The following EPC1 variants were observed in gnomAD, a reference collection of about 807,000 sequenced individuals.
EPC1 encodes enhancer of polycomb 1.
In EPC1, 12 loss-of-function variants were observed where a neutral mutation model predicts 98.4. The observed-to-expected ratio is 0.12, with a 90% CI of 0.08 to 0.20. EPC1 has a LOEUF of 0.20. EPC1 is among the 10% of genes least tolerant of loss of function. The probability of loss-of-function intolerance (pLI) is 1.00; values close to 1 mark genes in which losing one functional copy is unlikely to be tolerated. For synonymous variants in EPC1, 357 were observed against 363.9 expected (o/e 0.98, Z 0.21); for missense variants, 729 against 990.5 (o/e 0.74, Z 3.54).
In EPC1 at chr10:32,272,184, A is replaced by G; in HGVS notation, c.1864-17T>C. ...AACAAAACCCTAAAAAGAAAATACA[A>G]AAGAAATCTAATCAGTATCACTTAG... On this transcript the variant is annotated splice_polypyrimidine_tract_variant and intron_variant, in intron 11 of 13. Coordinates refer to ENST00000319778, the MANE Select transcript of EPC1 (RefSeq NM_001272004.3). 1 of 1,594,212 alleles carries G rather than the reference A, an allele frequency of 6.3e-7. No homozygotes were observed. Among genetic ancestry groups the G allele is most frequent in the Non-Finnish European group, 8.5e-7 (1 of 1,171,804 alleles).
intron 5 of EPC1, chr10:32,291,882 A>G (rs1266340543): frequency 6.6e-6 from 1 of 152,190 alleles, no homozygotes; most frequent in African/African-American, 2.4e-5. Flanking sequence ...TTGGGAAAAA[A>G]TCAAAAGCTG....
Position 32,271,609 on chromosome 10 carries a change from C to T in EPC1, c.2314G>A (p.Ala772Thr). ...PSSALKLAAA[A>T]NCQVSKVPSS... is the part of the protein sequence containing the mutation. ...GGGACCTTGGAAACTTGACAGTTTG[C>T]TGCAGCGGCCAGCTTTAAGGCAGAT... Residue 772 changes from alanine (A) to threonine (T), a missense_variant, in exon 13 of 14, where the codon GCA (alanine) becomes ACA (threonine). This residue lies in a region of EPC1 where 156 missense variants were observed against 188.9 expected (regional missense o/e 0.83). Coordinates refer to ENST00000319778, the MANE Select transcript of EPC1 (RefSeq NM_001272004.3). 1 of 1,614,164 alleles carries T rather than the reference C, an allele frequency of 6.2e-7. No homozygotes were observed. Among genetic ancestry groups the T allele is most frequent in the East Asian group, 2.2e-5 (1 of 44,872 alleles).
rs192301891 is a variant in EPC1 at position 32,320,416 on chromosome 10, A to G, written c.154-14485T>C. 4.9e-4 allele frequency among the ~76,000 whole-genome samples: 74 copies of G among 152,312 alleles called. No individual in the cohort carries two copies. The East Asian group carries it at 0.012, about 25-fold the overall frequency. ...TCTGAAAAGCAGTTCCAGCAATATC[A>G]TTAAGTGTTATGTGAGGAGTTCTGT... On this transcript the variant is annotated intron_variant, in intron 1 of 13. Coordinates refer to ENST00000319778, the MANE Select transcript of EPC1 (RefSeq NM_001272004.3).
At chr10:32,276,625 A>T (rs1836115768) in intron 10 of EPC1, among the ~76,000 whole-genome samples, 1 of 152,246 alleles carries the variant, frequency 6.6e-6, no homozygotes, top group Admixed American at 6.5e-5. Context: ...AATAAAGTTC[A>T]ATTCCTAAAG....
rs1043750451 is a variant in EPC1 at position 32,308,523 on chromosome 10, T to A, written c.154-2592A>T. Among the ~76,000 whole-genome samples, 59 of 152,234 alleles carry A rather than the reference T, an allele frequency of 3.9e-4. 1 individual carries two copies. Among genetic ancestry groups the A allele is most frequent in the Non-Finnish European group, 7.5e-4 (51 of 68,042 alleles). Reference sequence around the variant, plus strand: ...CAGGTCTTTACCCCTTTTAATAGTTTATTTTTACATCTGTAATTTATTTTT... The same window carrying A: ...CAGGTCTTTACCCCTTTTAATAGTTAATTTTTACATCTGTAATTTATTTTT... On this transcript the variant is annotated intron_variant, in intron 1 of 13. Transcript: ENST00000319778.
intron 1 of EPC1, among the ~76,000 whole-genome samples, chr10:32,344,735 C>A (rs1173567835): frequency 6.6e-6 from 1 of 152,064 alleles, no homozygotes; most frequent in Non-Finnish European, 1.5e-5. Context: ...TGTAGTGAGC[C>A]GAGATGCTGC....
intron 1 of EPC1, among the ~76,000 whole-genome samples, chr10:32,318,539 T>TA (rs1309953632): frequency 6.6e-6 from 1 of 152,186 alleles, no homozygotes; most frequent in Non-Finnish European, 1.5e-5. Context: ...TAGACATGTA[T>TA]ATAAAGACCT....
chr10:32,343,991 CT>C (rs533144832), intron 1 of EPC1, among the ~76,000 whole-genome samples: 163 of 152,194 alleles, frequency 1.1e-3, no homozygotes, highest in Non-Finnish European at 1.9e-3. Flanking sequence ...GGACTACATA[CT>C]TTTTTTTCTA....
intron 10 of EPC1, among the ~76,000 whole-genome samples, chr10:32,280,556 T>C (rs1176098840): frequency 6.6e-6 from 1 of 152,084 alleles, no homozygotes; most frequent in Non-Finnish European, 1.5e-5. Context: ...CTGGCCAAGA[T>C]GGTGAAACCC....
chr10:32,345,254 A>G, intron 1 of EPC1: 1 of 985,464 alleles, frequency 1.0e-6, no homozygotes, highest in Non-Finnish European at 1.2e-6. Flanking sequence ...TCAGTGCCCA[A>G]CTAGACAATC....
exon 1 of EPC1, chr10:32,378,699 G>C (rs1432162756): frequency 2.0e-6 from 1 of 489,074 alleles, no homozygotes. Context: ...GCTTTTGGGG[G>C]AAATCGGAGA....
intron 2 of EPC1, among the ~76,000 whole-genome samples, chr10:32,297,661 C>A (rs1220295123): frequency 6.6e-6 from 1 of 151,880 alleles, no homozygotes; most frequent in Non-Finnish European, 1.5e-5. Context: ...AGGAATAAAC[C>A]CAGAGATGCA....
At chr10:32,351,224 C>G (rs1260644737), upstream of EPC1, among the ~76,000 whole-genome samples, 1 of 152,158 alleles carries the variant, frequency 6.6e-6, no homozygotes, top group African/African-American at 2.4e-5. Flanking sequence ...TTGTTTTGCC[C>G]ATTAGATAAA....
In EPC1 at chr10:32,336,070, T is replaced by TTC. The variant is rs201736210; in HGVS notation, c.153+10692_153+10693insGA. Among the ~76,000 whole-genome samples the TTC allele has an allele frequency of 8.3e-3, 484 of 58,310 alleles. 1 individual carries two copies. The highest frequency in any genetic ancestry group is 0.054 in the East Asian group (26 of 484). The allele number at this position is 58,310 out of a possible 152,430, so 38.3% of individuals were successfully genotyped here. On this transcript the variant is annotated intron_variant, in intron 1 of 13. Coordinates refer to ENST00000319778, the MANE Select transcript of EPC1 (RefSeq NM_001272004.3). The stretch of plus-strand genomic sequence containing the variant: ...TCATGATAATCTACTACCTTTTCTT[T>TTC]TTTTTTTTTTTTTTTGAGACGGAGT...
intron 1 of EPC1, among the ~76,000 whole-genome samples, chr10:32,375,912 C>T (rs1320058213): frequency 6.6e-6 from 1 of 151,824 alleles, no homozygotes; most frequent in African/African-American, 2.4e-5. Context: ...TGTTATAATT[C>T]TAATCACAAT....
At chr10:32,316,967 T>C (rs925903645) in intron 1 of EPC1, among the ~76,000 whole-genome samples, 11 of 152,192 alleles carry the variant, frequency 7.2e-5, no homozygotes, top group African/African-American at 1.7e-4. Context: ...AATAATAACA[T>C]GGAAGAATCT....
At chr10:32,339,174 A>C (rs1232311111) in intron 1 of EPC1, among the ~76,000 whole-genome samples, 1 of 152,208 alleles carries the variant, frequency 6.6e-6, no homozygotes, top group Non-Finnish European at 1.5e-5. Flanking sequence ...GATTAACTCA[A>C]GATTTAATGA....
intron 10 of EPC1, among the ~76,000 whole-genome samples, chr10:32,278,371 G>GTTTTTTTTTTTTTT (rs58729377): frequency 9.7e-6 from 1 of 102,598 alleles, no homozygotes; most frequent in Non-Finnish European, 1.9e-5. Context: ...GTTTTTTTTT[G>GTTTTTTTTTTTTTT]TTTTTTTTTT....
At chr10:32,290,415 G>A (rs1156695505) in intron 6 of EPC1, among the ~76,000 whole-genome samples, 8 of 149,844 alleles carry the variant, frequency 5.3e-5, no homozygotes, top group Admixed American at 1.3e-4. Context: ...AAACTCGGGA[G>A]GTGGAGGTTG....
Sources: gnomAD v4.1 joint callset for allele counts (sites outside exome capture counted in the v4.1 genomes callset) on GRCh38, gnomAD v4.1.1 for gene constraint, gnomAD v4.1.1 regional missense constraint, MANE v1.5 for transcripts, NCBI Gene and HGNC (gene_info 2026-07-23, HGNC 2026-07-21) for gene names.